The following SPRR1A variants were observed in gnomAD, a reference collection of about 807,000 sequenced individuals.
SPRR1A encodes the protein cornifin-A.
For missense variants in SPRR1A, 123 were observed against 105.4 expected (o/e 1.17, Z -0.73); for synonymous variants, 40 against 39.2 (o/e 1.02, Z -0.07).
upstream of SPRR1A, chr1:152,985,113 G>C (rs1334814773): frequency 7.2e-7 from 1 of 1,394,934 alleles, no homozygotes; most frequent in African/African-American, 1.5e-5. Context: ...GAGATGAAAG[G>C]CTTTCTCTTC....
At chr1:152,985,174 T>C, upstream of SPRR1A, 1 of 1,537,314 alleles carries the variant, frequency 6.5e-7, no homozygotes, top group Non-Finnish European at 8.7e-7. Flanking sequence ...TATCCATCTT[T>C]CTTTAATTGA....
upstream of SPRR1A, among the ~76,000 whole-genome samples, chr1:152,984,352 G>T (rs1316456404): frequency 6.6e-6 from 1 of 152,104 alleles, no homozygotes; most frequent in Non-Finnish European, 1.5e-5. Context: ...GAGTCCTGGA[G>T]AAGATTGTTC....
At chr1:152,985,306 C>G in exon 1 of SPRR1A, 1 of 1,613,958 alleles carries the variant, frequency 6.2e-7, no homozygotes, top group Non-Finnish European at 8.5e-7. Flanking sequence ...ACAACCTTGC[C>G]AGCCTCCACC....
chr1:152,985,231 A>C, exon 1 of SPRR1A: 1 of 1,602,624 alleles, frequency 6.2e-7, no homozygotes, highest in Non-Finnish European at 8.5e-7. Flanking sequence ...CATTTGAAGC[A>C]TGAATTCTCA....
At chr1:152,984,836 A>G (rs950316319), upstream of SPRR1A, among the ~76,000 whole-genome samples, 1 of 152,156 alleles carries the variant, frequency 6.6e-6, no homozygotes, top group Non-Finnish European at 1.5e-5. Flanking sequence ...CCTATAAGTC[A>G]CAGGCTTTCT....
At chr1:152,984,267 T>C (rs1652236792), upstream of SPRR1A, among the ~76,000 whole-genome samples, 1 of 152,200 alleles carries the variant, frequency 6.6e-6, no homozygotes, top group South Asian at 2.1e-4. Flanking sequence ...TATTTTAAGT[T>C]AAATTACAGT....
downstream of SPRR1A, among the ~76,000 whole-genome samples, chr1:152,985,690 G>A (rs1611769): frequency 0.027 from 4,058 of 152,262 alleles, 156 homozygotes; most frequent in African/African-American, 0.093. Flanking sequence ...GAGCCTCTGC[G>A]TAAGGCTGAA....
chr1:152,984,789 A>T (rs528246687), upstream of SPRR1A, among the ~76,000 whole-genome samples: 6 of 152,126 alleles, frequency 3.9e-5, no homozygotes, highest in Non-Finnish European at 5.9e-5. Flanking sequence ...ACAGACCAGA[A>T]GCAAAACCAT....
exon 1 of SPRR1A, chr1:152,985,465 C>A (rs1263804597): frequency 3.7e-6 from 6 of 1,613,722 alleles, no homozygotes; most frequent in African/African-American, 2.7e-5. Flanking sequence ...AACGGTCACT[C>A]CAGCACCAGC....
At chr1:152,984,366 T>C (rs1036788635), upstream of SPRR1A, among the ~76,000 whole-genome samples, 1 of 152,130 alleles carries the variant, frequency 6.6e-6, no homozygotes. Context: ...ATTGTTCAAA[T>C]GCCCATGGGA....
At chr1:152,985,555 C>T, downstream of SPRR1A, 1 of 1,549,738 alleles carries the variant, frequency 6.5e-7, no homozygotes, top group Non-Finnish European at 8.7e-7. Flanking sequence ...GAACACCCTA[C>T]TCCATTCTGC....
At chr1:152,984,360 T>C (rs1014218874), upstream of SPRR1A, among the ~76,000 whole-genome samples, 2 of 152,070 alleles carry the variant, frequency 1.3e-5, no homozygotes, top group Admixed American at 1.3e-4. Flanking sequence ...GAGAAGATTG[T>C]TCAAATGCCC....
rs1482536041 is a variant in SPRR1A, at chr1:152,985,279, C to T, written c.49C>T (p.Gln17Ter). ...GCCTTGCACCCCACCCCCTCAGCCT[C>T]AGCAGCAGCAGGTGAAACAACCTTG... Residue 17 changes from glutamine to a stop codon, truncating the protein, a stop_gained, in exon 1 of 1, where the codon CAG becomes TAG. Coordinates refer to ENST00000368762, the Ensembl canonical transcript of SPRR1A. LOFTEE classifies it low-confidence loss of function (END_TRUNC). 3.1e-6 allele frequency: 5 copies of T among 1,613,802 alleles called. No individual in the cohort carries two copies. The highest frequency in any genetic ancestry group is 3.4e-6 in the Non-Finnish European group (4 of 1,179,960).
chr1:152,985,476 C>A (rs1557884907), exon 1 of SPRR1A: 2 of 1,613,670 alleles, frequency 1.2e-6, no homozygotes, highest in Admixed American at 3.3e-5. Context: ...CAGCACCAGC[C>A]CAGCAGAAGA....
At chr1:152,985,581 G>C, downstream of SPRR1A, 1 of 1,530,156 alleles carries the variant, frequency 6.5e-7, no homozygotes, top group East Asian at 2.3e-5. Context: ...AATCCCATTT[G>C]CCTATTGACC....
exon 1 of SPRR1A, chr1:152,985,357 C>A (rs1163145189): frequency 3.2e-6 from 5 of 1,563,310 alleles, no homozygotes; most frequent in Middle Eastern, 1.7e-4. Context: ...GCCCTGCCAC[C>A]CCAAGGTGCC....
Position 152,985,425 on chromosome 1 carries a change from C to A in SPRR1A, c.195C>A (p.Cys65Ter). ...GCCAGCCCAAGGTTCCAGAGCCCTG[C>A]CAGCCCAAGGTGCCTGAGCCCTGCC... The change falls in exon 1 of 1, where the codon TGC (cysteine) becomes TGA (stop). Residue 65 changes from cysteine to a stop codon, truncating the protein, a stop_gained. Transcript: ENST00000368762. LOFTEE classifies it high-confidence loss of function. 6.3e-7 allele frequency: 1 copy of A among 1,582,046 alleles called. No individual in the cohort carries two copies. Among genetic ancestry groups the A allele is most frequent in the Non-Finnish European group, 8.7e-7 (1 of 1,154,504 alleles).
chr1:152,985,093 G>A, upstream of SPRR1A: 1 of 1,190,006 alleles, frequency 8.4e-7, no homozygotes, highest in Non-Finnish European at 1.2e-6. Context: ...ATGTAATGGG[G>A]GAGTTAAGGG....
chr1:152,985,701 C>T (rs542779539), downstream of SPRR1A, among the ~76,000 whole-genome samples: 2 of 152,298 alleles, frequency 1.3e-5, no homozygotes, highest in East Asian at 1.9e-4. Context: ...TAAGGCTGAA[C>T]GTCTCACTGA....
Sources: gnomAD v4.1 joint callset for allele counts (sites outside exome capture counted in the v4.1 genomes callset) on GRCh38, gnomAD v4.1.1 for gene constraint, MANE v1.5 for transcripts, NCBI Gene and HGNC (gene_info 2026-07-23, HGNC 2026-07-21) for gene names.